FAAH2: variants seen among roughly 807,000 people sequenced by gnomAD.
The protein encoded by FAAH2 is fatty-acid amide hydrolase 2.
In FAAH2, 60 loss-of-function variants were observed where a neutral mutation model predicts 36.9. That is an observed-to-expected ratio of 1.63 (90% CI 1.32 to 2.02). FAAH2 has a LOEUF of 2.02. Ranked by LOEUF, FAAH2 falls within the 30% of genes most tolerant of loss-of-function variation. The pLI is 0.00. For synonymous variants in FAAH2, 214 were observed against 143.8 expected (o/e 1.49, Z -3.49); for missense variants, 689 against 397.5 (o/e 1.73, Z -6.23).
At chrX:57,338,331 A>G (rs759881838) in intron 4 of FAAH2, among the ~76,000 whole-genome samples, 1 of 111,730 alleles carries the variant, frequency 9.0e-6, no homozygotes, top group East Asian at 2.8e-4. Context: ...TTCACAAGGT[A>G]ATGTAATCAC....
chrX:57,257,909 A>G, the FAAH2 span, among the ~76,000 whole-genome samples: 2 of 111,991 alleles, frequency 1.8e-5, no homozygotes, highest in Non-Finnish European at 3.8e-5. Context: ...TAAAGCAACT[A>G]GAGATTCAAT....
the FAAH2 span, among the ~76,000 whole-genome samples, chrX:57,183,046 T>C: frequency 1.8e-5 from 2 of 110,211 alleles, no homozygotes; most frequent in Non-Finnish European, 3.8e-5. Flanking sequence ...ACAACAGACA[T>C]GGAGGCCTAC....
rs2055193997 is a variant in FAAH2, at chrX:57,392,653, C to G, written c.996+11624C>G. The G allele has an allele frequency of 1.3e-5, 9 of 675,334 alleles. No homozygotes were observed. In the East Asian group the frequency reaches 2.9e-4, roughly 22 times the overall value. The allele number at this position is 675,334 out of a possible 1,213,427, so 55.7% of individuals were successfully genotyped here. On this transcript the variant is annotated intron_variant, in intron 7 of 10. Coordinates refer to ENST00000374900, the MANE Select transcript of FAAH2 (RefSeq NM_174912.4). ...TGGATGATGATCTGTTTAGAATGAT[C>G]CATTCACCTGTTCTGTTTCAGGGTC...
chrX:57,428,713 A>G (rs1000980659), intron 7 of FAAH2, among the ~76,000 whole-genome samples: 2 of 112,082 alleles, frequency 1.8e-5, no homozygotes, highest in Admixed American at 1.9e-4. Flanking sequence ...ATGGACCTGT[A>G]TCTCTCACCA....
intron 2 of FAAH2, among the ~76,000 whole-genome samples, chrX:57,293,157 C>T (rs187128156): frequency 9.0e-6 from 1 of 110,794 alleles, no homozygotes; most frequent in East Asian, 2.8e-4. Context: ...TAGCTCTCAG[C>T]CATTCATGTA....
chrX:57,172,234 GT>G, the FAAH2 span, among the ~76,000 whole-genome samples: 1 of 111,593 alleles, frequency 9.0e-6, no homozygotes, highest in Non-Finnish European at 1.9e-5. Context: ...GGCTTTTTGG[GT>G]TGTTTTTTGG....
At chrX:57,352,067 CACATAT>C (rs1569283901) in intron 5 of FAAH2, among the ~76,000 whole-genome samples, 227 of 6,815 alleles carry the variant, frequency 0.033, 26 homozygotes, top group Non-Finnish European at 0.09. Context: ...TATATATATA[CACATAT>C]ATATATGTGT....
chrX:57,265,478 T>G, the FAAH2 span, among the ~76,000 whole-genome samples: 1 of 110,892 alleles, frequency 9.0e-6, no homozygotes, highest in Non-Finnish European at 1.9e-5. Context: ...GCTGTTTGGG[T>G]GACTTAGCCA....
chrX:57,370,238 C>T (rs955830188), intron 5 of FAAH2, among the ~76,000 whole-genome samples: 1 of 111,391 alleles, frequency 9.0e-6, no homozygotes, highest in African/African-American at 3.3e-5. Context: ...GAATCAAATT[C>T]TACAATTGAA....
the FAAH2 span, among the ~76,000 whole-genome samples, chrX:57,189,765 A>C: frequency 9.0e-6 from 1 of 111,439 alleles, no homozygotes; most frequent in African/African-American, 3.3e-5. Flanking sequence ...TGGAAGCTTC[A>C]TCCCAGAGGG....
chrX:57,205,728 T>C, the FAAH2 span, among the ~76,000 whole-genome samples: 3 of 112,566 alleles, frequency 2.7e-5, no homozygotes, highest in Admixed American at 1.9e-4. Flanking sequence ...AGTTATTTTA[T>C]GGAGAATCCA....
At chrX:57,243,593 T>C in the FAAH2 span, among the ~76,000 whole-genome samples, 1 of 112,218 alleles carries the variant, frequency 8.9e-6, no homozygotes, top group African/African-American at 3.2e-5. Flanking sequence ...CTGCTGGTGA[T>C]ACTCAGGCAA....
At chrX:57,292,871 A>G (rs370876614) in intron 2 of FAAH2, among the ~76,000 whole-genome samples, 8 of 111,895 alleles carry the variant, frequency 7.1e-5, no homozygotes, top group African/African-American at 2.6e-4. Flanking sequence ...GGTAGGCATC[A>G]TTGAACATTT....
intron 7 of FAAH2, among the ~76,000 whole-genome samples, chrX:57,425,463 C>T (rs1255250312): frequency 9.0e-6 from 1 of 111,403 alleles, no homozygotes; most frequent in Non-Finnish European, 1.9e-5. Flanking sequence ...AAATTAGCAA[C>T]AGAAACGTTT....
chrX:57,252,712 G>A, the FAAH2 span, among the ~76,000 whole-genome samples: 1 of 112,304 alleles, frequency 8.9e-6, no homozygotes, highest in African/African-American at 3.2e-5. Flanking sequence ...GAAAGGAATA[G>A]CATCAACATC....
At chrX:57,437,742 T>C (rs1279088620) in intron 8 of FAAH2, among the ~76,000 whole-genome samples, 1 of 103,080 alleles carries the variant, frequency 9.7e-6, no homozygotes, top group East Asian at 3.0e-4. Flanking sequence ...ATTATATATA[T>C]TATTTATATT....
chrX:57,362,125 G>T (rs934443945), intron 5 of FAAH2, among the ~76,000 whole-genome samples: 1 of 110,346 alleles, frequency 9.1e-6, no homozygotes, highest in Non-Finnish European at 1.9e-5. Context: ...TAAGAACAGG[G>T]GATAAAGAAA....
Position 57,488,837 on chromosome X carries a change from G to A in FAAH2, c.1504G>A (p.Val502Ile). ...CAAAGGACTCCCTTTAGGCATCCAG[G>A]TTGTGGCTGGACCCTTTAATGATCA... ...NAKGLPLGIQ[V>I]VAGPFNDHLT... is the part of the protein sequence containing the mutation. The change falls in exon 11 of 11, where the codon GTT becomes ATT. Residue 502 changes from valine to isoleucine, a missense_variant. Transcript: ENST00000374900. 2 of 1,211,186 alleles carry A rather than the reference G, an allele frequency of 1.7e-6. No individual in the cohort carries two copies. The highest frequency in any genetic ancestry group is 2.2e-6 in the Non-Finnish European group (2 of 895,328).
chrX:57,133,668 C>A, the FAAH2 span, among the ~76,000 whole-genome samples: 2 of 111,711 alleles, frequency 1.8e-5, no homozygotes, highest in African/African-American at 6.5e-5. Flanking sequence ...CATAAATTTT[C>A]ATCGTGTGAA....
Sources: gnomAD v4.1 joint callset for allele counts (sites outside exome capture counted in the v4.1 genomes callset) on GRCh38, gnomAD v4.1.1 for gene constraint, MANE v1.5 for transcripts, NCBI Gene and HGNC (gene_info 2026-07-23, HGNC 2026-07-21) for gene names.